Variants in TTLL8 observed in about 807,000 individuals in gnomAD.
The protein encoded by TTLL8 is protein monoglycylase TTLL8.
A neutral mutation model predicts 77.8 loss-of-function variants in TTLL8; 65 were observed. The ratio of observed to expected loss-of-function variants is 0.84; its 90% CI spans 0.68 to 1.03. The LOEUF is 1.03. TTLL8 is among the 50% of genes least tolerant of loss of function. TTLL8 has a pLI of 0.00. For missense variants in TTLL8, 910 were observed against 1,004.5 expected (o/e 0.91, Z 1.27); for synonymous variants, 402 against 422.8 (o/e 0.95, Z 0.60).
intron 12 of TTLL8, among the ~76,000 whole-genome samples, chr22:50,029,439 C>G (rs1215306599): frequency 6.6e-6 from 1 of 152,012 alleles, no homozygotes; most frequent in Non-Finnish European, 1.5e-5. Flanking sequence ...CCCATCACAC[C>G]GTCCTAAAGA....
chr22:50,049,842 G>A (rs1162083693), intron 2 of TTLL8, among the ~76,000 whole-genome samples: 1 of 152,124 alleles, frequency 6.6e-6, no homozygotes, highest in Admixed American at 6.5e-5. Flanking sequence ...GAGAGAGGAT[G>A]ACAGAAACCG....
chr22:50,057,804 G>A (rs1373168276), upstream of TTLL8, among the ~76,000 whole-genome samples: 5 of 151,572 alleles, frequency 3.3e-5, no homozygotes, highest in African/African-American at 1.2e-4. Flanking sequence ...GCAGGTCTAG[G>A]TTAATGAGGA....
intron 3 of TTLL8, among the ~76,000 whole-genome samples, chr22:50,048,896 C>G (rs539176061): frequency 3.9e-5 from 6 of 152,228 alleles, no homozygotes; most frequent in African/African-American, 2.4e-5. Context: ...GGAGCTCACT[C>G]GCTGGCCAGG....
chr22:50,047,071 T>A (rs1262413450), intron 4 of TTLL8, 97 bp downstream of exon 6: 20 of 1,281,188 alleles, frequency 1.6e-5, no homozygotes, highest in Non-Finnish European at 2.0e-5. Flanking sequence ...AGGTGACTGG[T>A]GGCCACTGAC....
At chr22:50,050,003 A>G (rs2061435411) in intron 2 of TTLL8, 106 bp downstream of exon 4, 1 of 1,238,598 alleles carries the variant, frequency 8.1e-7, no homozygotes, top group South Asian at 1.4e-5. Context: ...CCCATCACGC[A>G]CACCAGGGCC....
intron 8 of TTLL8, among the ~76,000 whole-genome samples, chr22:50,039,469 C>T (rs2061355225): frequency 6.6e-6 from 1 of 152,166 alleles, no homozygotes; most frequent in East Asian, 1.9e-4. Flanking sequence ...AGGAAAAATT[C>T]TAACCCACAG....
At chr22:50,025,990 C>T (rs921770273) in intron 12 of TTLL8, among the ~76,000 whole-genome samples, 2 of 152,144 alleles carry the variant, frequency 1.3e-5, no homozygotes, top group Non-Finnish European at 2.9e-5. Context: ...AAGCAAAACC[C>T]AAGCATCCTT....
intron 1 of TTLL8, among the ~76,000 whole-genome samples, chr22:50,053,985 A>G (rs561834422): frequency 6.8e-6 from 1 of 146,518 alleles, no homozygotes; most frequent in South Asian, 2.2e-4. Context: ...CCTTAACATC[A>G]CCATGCCGTG....
intron 3 of TTLL8, among the ~76,000 whole-genome samples, chr22:50,047,514 C>T (rs956695316): frequency 2.0e-5 from 3 of 152,190 alleles, no homozygotes; most frequent in African/African-American, 7.2e-5. Flanking sequence ...GCCTCGGGCT[C>T]TGGGGGGCCA....
intron 12 of TTLL8, among the ~76,000 whole-genome samples, chr22:50,018,592 T>C (rs1481460947): frequency 6.6e-6 from 1 of 152,148 alleles, no homozygotes; most frequent in African/African-American, 2.4e-5. Context: ...AAATTCCAGG[T>C]TGAATAAGTA....
chr22:50,029,609 T>C (rs958989471), intron 12 of TTLL8, among the ~76,000 whole-genome samples: 43 of 152,130 alleles, frequency 2.8e-4, no homozygotes, highest in Non-Finnish European at 5.0e-4. Context: ...CGGGCGCCTG[T>C]GGTCCCAGCT....
At chr22:50,021,989 C>G (rs2061204937) in intron 12 of TTLL8, among the ~76,000 whole-genome samples, 1 of 149,388 alleles carries the variant, frequency 6.7e-6, no homozygotes, top group African/African-American at 2.5e-5. Context: ...ACTCCTCCAT[C>G]TGACGTGCAC....
chr22:50,054,613 T>C, exon 1 of TTLL8: 2 of 235,682 alleles, frequency 8.5e-6, no homozygotes, highest in Non-Finnish European at 2.0e-5. Context: ...CTGTTTCCCA[T>C]CCAGGAGCCT....
intron 2 of TTLL8, among the ~76,000 whole-genome samples, chr22:50,049,751 G>A (rs568793605): frequency 1.3e-5 from 2 of 152,318 alleles, no homozygotes; most frequent in Admixed American, 6.5e-5. Flanking sequence ...AGATGTCAGC[G>A]AGGAGCAGCC....
At chr22:50,027,704 C>T (rs1009353892) in intron 12 of TTLL8, 7 of 985,330 alleles carry the variant, frequency 7.1e-6, no homozygotes, top group Admixed American at 1.2e-4. Context: ...CGCCGCAGGC[C>T]TTTTGCAGCA....
intron 8 of TTLL8, among the ~76,000 whole-genome samples, chr22:50,036,463 G>T (rs117816138): frequency 6.6e-6 from 1 of 152,170 alleles, no homozygotes; most frequent in Admixed American, 6.5e-5. Flanking sequence ...AGACAGGAAC[G>T]CCTGGGCTCC....
At chr22:50,031,515 G>C in intron 11 of TTLL8, 171 bp downstream of exon 12, 1 of 979,954 alleles carries the variant, frequency 1.0e-6, no homozygotes, top group Non-Finnish European at 1.2e-6. Flanking sequence ...GGGAGAGCAG[G>C]GCAGGCCTGG....
rs530051993 is a variant in TTLL8 at position 50,026,531 on chromosome 22, C to T, written c.2203+3899G>A. On this transcript the variant is annotated intron_variant, in intron 12 of 13. Coordinates refer to ENST00000266182, the Ensembl canonical transcript of TTLL8. ...ATTCTGCACCGCCGCCACCTCAGAG[C>T]GGAGGGTCAGACATGGAAGCGCAGA... 1.8e-4 allele frequency among the ~76,000 whole-genome samples: 27 copies of T among 152,122 alleles called. No homozygotes were observed. In the South Asian group the frequency reaches 5.2e-3, roughly 29 times the overall value.
In TTLL8 at chr22:50,042,516, A is replaced by C. The variant is rs536496445; in HGVS notation, c.644-709T>G. ...AATGAACAATCTGAACAGTCACCTC[A>C]CCAAAAAATATATACAGATGGAAAA... On this transcript the variant is annotated intron_variant, in intron 6 of 13. Transcript: ENST00000266182. Among the ~76,000 whole-genome samples, 12 of 152,300 alleles carry C rather than the reference A, an allele frequency of 7.9e-5. No individual in the cohort carries two copies. In the South Asian group the frequency reaches 2.5e-3, roughly 32 times the overall value.
Sources: allele counts gnomAD v4.1 joint callset (sites outside exome capture counted in the v4.1 genomes callset), GRCh38; gene constraint gnomAD v4.1.1; transcripts MANE v1.5; gene names NCBI Gene and HGNC (gene_info 2026-07-23, HGNC 2026-07-21).